The following PCDHGA2 variants were observed in gnomAD, a reference collection of about 807,000 sequenced individuals.
The protein encoded by PCDHGA2 is protocadherin gamma-A2.
PCDHGA2 carries 40 observed loss-of-function variants against 59.2 expected under a neutral mutation model. That is an observed-to-expected ratio of 0.68 (90% CI 0.52 to 0.88). The LOEUF (loss-of-function observed/expected upper bound fraction) is 0.88. Ranked by LOEUF, PCDHGA2 falls within the 40% of genes least tolerant of loss-of-function variation. PCDHGA2 has a pLI of 0.00. For missense variants in PCDHGA2, 1,226 were observed against 1,204.0 expected, an observed-to-expected ratio of 1.02 and a Z score of -0.27; for synonymous variants, 560 against 526.0, an observed-to-expected ratio of 1.06 and a Z score of -0.89.
chr5:141,403,945 A>G (rs745421734), intron 1 of PCDHGA2: 48 of 1,613,810 alleles, frequency 3.0e-5, no homozygotes, highest in Non-Finnish European at 3.9e-5. Context: ...AAGGGTGGAC[A>G]AAAGTGCTCA....
rs79201149 is a variant in PCDHGA2, at chr5:141,386,596, T to C, written c.2424+45201T>C. Among the ~76,000 whole-genome samples, 402 of 139,140 alleles carry C rather than the reference T, an allele frequency of 2.9e-3. 2 individuals are homozygous for C. Among genetic ancestry groups the C allele is most frequent in the Non-Finnish European group, 4.9e-3 (319 of 65,706 alleles). The allele number at this position is 139,140 out of a possible 152,430, so 91.3% of individuals were successfully genotyped here. A position where few individuals can be genotyped will look rare whatever the true frequency, so the allele number is the denominator to read the frequency against. Reference sequence around the variant, plus strand: ...TCTGTACAATAGTGTGGGGGATACATTTTTTTTTTTTGACATGGAGTCTCG... The same window carrying C: ...TCTGTACAATAGTGTGGGGGATACACTTTTTTTTTTTGACATGGAGTCTCG... On this transcript the variant is annotated intron_variant, in intron 1 of 3. Transcript: ENST00000394576.
intron 1 of PCDHGA2, chr5:141,433,042 G>A (rs752612411): frequency 6.2e-6 from 10 of 1,614,142 alleles, no homozygotes; most frequent in Non-Finnish European, 7.6e-6. Flanking sequence ...CCCTCACCAC[G>A]GACTCGCGGA....
intron 1 of PCDHGA2, chr5:141,352,377 C>T: frequency 6.2e-7 from 1 of 1,614,038 alleles, no homozygotes; most frequent in Non-Finnish European, 8.5e-7. Context: ...GTGATTCTAG[C>T]GATCGCCCTG....
intron 1 of PCDHGA2, chr5:141,360,390 T>C (rs1484817682): frequency 1.2e-6 from 2 of 1,613,882 alleles, no homozygotes; most frequent in Non-Finnish European, 1.7e-6. Flanking sequence ...GAGACTTACT[T>C]GTGAGTGACA....
At chr5:141,500,876 A>G (rs909126749) in intron 2 of PCDHGA2, among the ~76,000 whole-genome samples, 1 of 124,952 alleles carries the variant, frequency 8.0e-6, no homozygotes, top group African/African-American at 3.5e-5. Flanking sequence ...ATTCATTTAC[A>G]ATTTTTTTTT....
intron 1 of PCDHGA2, among the ~76,000 whole-genome samples, chr5:141,387,171 G>A (rs1194101631): frequency 6.6e-6 from 1 of 152,156 alleles, no homozygotes; most frequent in Non-Finnish European, 1.5e-5. Flanking sequence ...AGTATAAATT[G>A]CACCTTCTAA....
intron 1 of PCDHGA2, 43 bp downstream of exon 1, chr5:141,341,438 A>G (rs747347406): frequency 2.0e-5 from 33 of 1,610,908 alleles, no homozygotes; most frequent in Non-Finnish European, 2.5e-5. Flanking sequence ...TAGTTTGCTG[A>G]AGTAATTCAC....
chr5:141,431,506 G>T lies in PCDHGA2; in HGVS notation c.2425-63301G>T. 1.2e-6 allele frequency: 2 copies of T among 1,613,988 alleles called. No homozygotes were observed. Among genetic ancestry groups the T allele is most frequent in the South Asian group, 2.2e-5 (2 of 91,084 alleles). The stretch of plus-strand genomic sequence containing the variant: ...CGTTTGCTCAGCCCGAGTACCGCGC[G>T]AGCGTTCCGGAGAATCTGGCCTTGG... On this transcript the variant is annotated intron_variant, in intron 1 of 3. Coordinates refer to ENST00000394576, the MANE Select transcript of PCDHGA2 (RefSeq NM_018915.4). This position sits in a 1 kb window ranked among gnomAD's most constrained non-coding sequence, Gnocchi z 4.8.
chr5:141,494,746 C>A lies in PCDHGA2; in HGVS notation c.2425-61C>A. 3 of 1,613,088 alleles carry A rather than the reference C, an allele frequency of 1.9e-6. No individual in the cohort carries two copies. The South Asian group carries it at 3.3e-5, about 18-fold the overall frequency. On this transcript the variant is annotated intron_variant, in intron 1 of 3. Coordinates refer to ENST00000394576, the MANE Select transcript of PCDHGA2 (RefSeq NM_018915.4). ...TTCTCTCCCGGCCCATCCCTAGGGG[C>A]TCGGGTGACATTCTAACTTCTCACG...
chr5:141,464,921 G>C (rs1562002597), intron 1 of PCDHGA2, among the ~76,000 whole-genome samples: 6 of 151,106 alleles, frequency 4.0e-5, no homozygotes, highest in Admixed American at 3.3e-4. Flanking sequence ...TTATTTTTTT[G>C]TAGAGATGTG....
At chr5:141,369,035 T>C (rs1765998324) in intron 1 of PCDHGA2, among the ~76,000 whole-genome samples, 1 of 152,204 alleles carries the variant, frequency 6.6e-6, no homozygotes. Context: ...TGCCTAGTTT[T>C]AGAGTAACAA....
intron 1 of PCDHGA2, chr5:141,426,767 A>C (rs1219028777): frequency 2.2e-6 from 1 of 456,666 alleles, no homozygotes. Flanking sequence ...ATGCAGATGT[A>C]GGGCCTCACT....
chr5:141,413,651 C>T (rs377135032), intron 1 of PCDHGA2: 16 of 1,613,658 alleles, frequency 9.9e-6, no homozygotes, highest in Non-Finnish European at 8.5e-6. Context: ...TTTCCTCTCC[C>T]GGAAGCTATT....
intron 1 of PCDHGA2, chr5:141,414,617 T>C: frequency 6.2e-7 from 1 of 1,614,002 alleles, no homozygotes; most frequent in Non-Finnish European, 8.5e-7. Flanking sequence ...GTGACAGCGC[T>C]GGACCCGGAC....
intron 1 of PCDHGA2, chr5:141,404,674 T>C: frequency 1.9e-6 from 3 of 1,614,176 alleles, no homozygotes; most frequent in East Asian, 2.2e-5. Context: ...GTTCTACTGG[T>C]GTGGAGCTGG....
At chr5:141,357,736 T>C (rs1561515678) in intron 1 of PCDHGA2, 6 of 1,323,830 alleles carry the variant, frequency 4.5e-6, no homozygotes, top group Non-Finnish European at 6.1e-6. Context: ...TAATATTTTA[T>C]TGCTTTAAAG....
chr5:141,370,583 T>C lies in PCDHGA2; in HGVS notation c.2424+29188T>C, dbSNP rs376045764. 30 of 1,613,706 alleles carry C rather than the reference T, an allele frequency of 1.9e-5. No individual in the cohort carries two copies. In the African/African-American group the frequency reaches 3.6e-4, roughly 19 times the overall value. Reference sequence around the variant, plus strand: ...GGTTTGGCGTGGGGGATTTACCTACTAGGAACCTGCGGGTTATTGCAGAGA... The same window carrying C: ...GGTTTGGCGTGGGGGATTTACCTACCAGGAACCTGCGGGTTATTGCAGAGA... On this transcript the variant is annotated intron_variant, in intron 1 of 3. Coordinates refer to ENST00000394576, the MANE Select transcript of PCDHGA2 (RefSeq NM_018915.4).
intron 1 of PCDHGA2, chr5:141,389,176 C>G (rs775758481): frequency 6.2e-7 from 1 of 1,614,064 alleles, no homozygotes; most frequent in South Asian, 1.1e-5. Flanking sequence ...CCTCCCCTCT[C>G]CTCCAGTTCC....
intron 1 of PCDHGA2, among the ~76,000 whole-genome samples, chr5:141,472,245 T>A (rs1217786736): frequency 6.6e-6 from 1 of 152,144 alleles, no homozygotes; most frequent in East Asian, 1.9e-4. Context: ...ACTTTCTATT[T>A]TAAAGTTATA....
Sources: allele counts gnomAD v4.1 joint callset (sites outside exome capture counted in the v4.1 genomes callset), GRCh38; gene constraint gnomAD v4.1.1; non-coding constraint Gnocchi (gnomAD v3.1); transcripts MANE v1.5; gene names NCBI Gene and HGNC (gene_info 2026-07-23, HGNC 2026-07-21).